DPYD: variants seen among roughly 807,000 people sequenced by gnomAD.
DPYD encodes the protein dihydropyrimidine dehydrogenase [NADP(+)].
A neutral mutation model predicts 116.2 loss-of-function variants in DPYD; 109 were observed. The ratio of observed to expected loss-of-function variants is 0.94; its 90% CI spans 0.80 to 1.10. The LOEUF (loss-of-function observed/expected upper bound fraction) is 1.10, where lower values mean the gene tolerates loss of function less well. DPYD is among the 50% of genes least tolerant of loss of function. The pLI, the probability that DPYD is intolerant of heterozygous loss-of-function variation, is 0.00. For synonymous variants in DPYD, 440 were observed against 432.0 expected (o/e 1.02, Z -0.23); for missense variants, 1,302 against 1,254.5 (o/e 1.04, Z -0.57).
chr1:97,484,592 G>A (rs571565698), intron 13 of DPYD, among the ~76,000 whole-genome samples: 31 of 152,038 alleles, frequency 2.0e-4, no homozygotes, highest in Admixed American at 9.8e-4. Context: ...CTCTTTATTC[G>A]CTCTGACTTC....
intron 19 of DPYD, 76 bp downstream of exon 19, chr1:97,234,773 ATTT>A: frequency 7.3e-7 from 1 of 1,367,696 alleles, no homozygotes; most frequent in Non-Finnish European, 1.0e-6. Context: ...AAACGAATCT[ATTT>A]TTTTTTTGTC....
At chr1:97,136,295 C>A (rs909281620) in intron 20 of DPYD, among the ~76,000 whole-genome samples, 2 of 152,152 alleles carry the variant, frequency 1.3e-5, no homozygotes, top group Admixed American at 6.5e-5. Context: ...TTGTGCTATG[C>A]TTTGTGCTAA....
chr1:97,513,504 A>G (rs1647964532), intron 13 of DPYD, among the ~76,000 whole-genome samples: 1 of 151,844 alleles, frequency 6.6e-6, no homozygotes, highest in Non-Finnish European at 1.5e-5. Context: ...ACAAAACCCC[A>G]TAGAATAACC....
intron 3 of DPYD, among the ~76,000 whole-genome samples, chr1:97,823,807 A>G (rs1669089075): frequency 1.4e-5 from 2 of 147,094 alleles, no homozygotes; most frequent in African/African-American, 5.0e-5. Flanking sequence ...TATTTCCCTT[A>G]GCTCTTTAAA....
intron 16 of DPYD, among the ~76,000 whole-genome samples, chr1:97,353,519 C>T (rs1570578960): frequency 6.6e-6 from 1 of 152,226 alleles, no homozygotes; most frequent in African/African-American, 2.4e-5. Context: ...TACATATACC[C>T]TCCTTTAAGG....
intron 20 of DPYD, among the ~76,000 whole-genome samples, chr1:97,139,925 C>A (rs1264714019): frequency 6.6e-6 from 1 of 152,108 alleles, no homozygotes; most frequent in Non-Finnish European, 1.5e-5. Context: ...TCTGCTCTCT[C>A]CTGTAGAATG....
At chr1:97,388,778 G>C (rs1197671766) in intron 14 of DPYD, among the ~76,000 whole-genome samples, 2 of 152,090 alleles carry the variant, frequency 1.3e-5, no homozygotes, top group Non-Finnish European at 2.9e-5. Flanking sequence ...AAGATCACGG[G>C]AGGACTAATG....
rs1669329916 is a variant in DPYD at position 97,828,105 on chromosome 1, C to T, written c.233+9G>A. 1 of 1,613,160 alleles carries T rather than the reference C, an allele frequency of 6.2e-7. No homozygotes were observed. The highest frequency in any genetic ancestry group is 1.7e-5 in the Admixed American group (1 of 59,956). Reference sequence around the variant, plus strand: ...ATCTGTGACTGTTGCTATGGTGACCCAGACTTACCTCATTGCTTCTCGGAG... The same window carrying T: ...ATCTGTGACTGTTGCTATGGTGACCTAGACTTACCTCATTGCTTCTCGGAG... On this transcript the variant is annotated intron_variant, in intron 3 of 22. Coordinates refer to ENST00000370192, the MANE Select transcript of DPYD (RefSeq NM_000110.4).
intron 12 of DPYD, among the ~76,000 whole-genome samples, chr1:97,518,992 C>T (rs1388720870): frequency 6.6e-6 from 1 of 152,012 alleles, no homozygotes; most frequent in Non-Finnish European, 1.5e-5. Flanking sequence ...CATCAACATG[C>T]TAGGAGAATT....
intron 18 of DPYD, among the ~76,000 whole-genome samples, chr1:97,291,051 G>T (rs1033454330): frequency 1.3e-5 from 2 of 152,200 alleles, no homozygotes; most frequent in Admixed American, 6.5e-5. Flanking sequence ...CTTCTCAAAA[G>T]AAGACATTTA....
chr1:97,873,069 G>A (rs1421461449), intron 2 of DPYD, among the ~76,000 whole-genome samples: 1 of 151,814 alleles, frequency 6.6e-6, no homozygotes, highest in East Asian at 1.9e-4. Context: ...TACTTCAGCT[G>A]TAACTCCCAT....
chr1:97,407,445 T>G (rs1420336636), intron 14 of DPYD, among the ~76,000 whole-genome samples: 1 of 152,124 alleles, frequency 6.6e-6, no homozygotes, highest in Non-Finnish European at 1.5e-5. Flanking sequence ...GCGTGTACAT[T>G]AGTGGTACTG....
chr1:97,875,570 C>T (rs1571512081), intron 2 of DPYD, among the ~76,000 whole-genome samples: 1 of 152,072 alleles, frequency 6.6e-6, no homozygotes, highest in South Asian at 2.1e-4. Flanking sequence ...CAATGAAAGA[C>T]TCCACCTCAA....
intron 14 of DPYD, among the ~76,000 whole-genome samples, chr1:97,444,604 T>G (rs1012132325): frequency 6.6e-6 from 1 of 152,162 alleles, no homozygotes; most frequent in Non-Finnish European, 1.5e-5. Flanking sequence ...TATACACATA[T>G]ACATATATAT....
chr1:97,782,376 C>T (rs1035215531), intron 3 of DPYD, among the ~76,000 whole-genome samples: 1 of 152,186 alleles, frequency 6.6e-6, no homozygotes, highest in Non-Finnish European at 1.5e-5. Flanking sequence ...GCTGTCTTTG[C>T]AGCACAACAG....
intron 3 of DPYD, among the ~76,000 whole-genome samples, chr1:97,769,628 T>G (rs1190211660): frequency 6.6e-6 from 1 of 152,166 alleles, no homozygotes; most frequent in Non-Finnish European, 1.5e-5. Flanking sequence ...GTGAAGTTGA[T>G]TTAGAAATAT....
At chr1:97,199,117 T>G (rs1217998067) in intron 19 of DPYD, among the ~76,000 whole-genome samples, 2 of 152,206 alleles carry the variant, frequency 1.3e-5, no homozygotes, top group South Asian at 2.1e-4. Flanking sequence ...TGAGATTAAC[T>G]AGATTATCAG....
In DPYD at chr1:97,779,546, C is replaced by T. The variant is rs79158986; in HGVS notation, c.234-39067G>A. On this transcript the variant is annotated intron_variant, in intron 3 of 22. Transcript: ENST00000370192. ...TCCACAGTAGAAATTTCCATTGCAC[C>T]ATGAAACATGAAGTTTTTATACAGG... Among the ~76,000 whole-genome samples the T allele has an allele frequency of 4.0e-3, 603 of 152,092 alleles. 2 individuals are homozygous for T. Among genetic ancestry groups the T allele is most frequent in the Middle Eastern group, 0.024 (7 of 294 alleles).
rs187755874 is a variant in DPYD, at chr1:97,704,933, C to G, written c.484-5386G>C. On this transcript the variant is annotated intron_variant, in intron 5 of 22. Transcript: ENST00000370192. ...GAAAAGTATACTTAATATGTATTTC[C>G]CCACAATAATAAGGTGGCCAATATT... 1.3e-5 allele frequency among the ~76,000 whole-genome samples: 2 copies of G among 151,824 alleles called. 1 individual carries two copies. The highest frequency in any genetic ancestry group is 3.9e-4 in the East Asian group (2 of 5,162).
Sources: gnomAD v4.1 joint callset for allele counts (sites outside exome capture counted in the v4.1 genomes callset) on GRCh38, gnomAD v4.1.1 for gene constraint, MANE v1.5 for transcripts, NCBI Gene and HGNC (gene_info 2026-07-23, HGNC 2026-07-21) for gene names.